Variants in COPG2 observed in about 807,000 individuals in gnomAD.
The protein encoded by COPG2 is coat protein complex I subunit gamma 2.
COPG2 carries 37 observed loss-of-function variants against 46.3 expected under a neutral mutation model. That is an observed-to-expected ratio of 0.80 (90% CI 0.61 to 1.05). The LOEUF (loss-of-function observed/expected upper bound fraction) is 1.05, where lower values mean the gene tolerates loss of function less well. Among genes scored for constraint, COPG2 ranks in the 50% least tolerant of loss-of-function variants. COPG2 has a pLI of 0.00. For synonymous variants in COPG2, 159 were observed against 129.7 expected (o/e 1.23, Z -1.53); for missense variants, 427 against 387.8 (o/e 1.10, Z -0.85).
rs1796008548 is a variant in COPG2, at chr7:130,663,009, T to C, written c.201A>G (p.Thr67=). The C allele has an allele frequency of 6.5e-7, 1 of 1,549,070 alleles. No homozygotes were observed. The highest frequency in any genetic ancestry group is 8.7e-7 in the Non-Finnish European group (1 of 1,149,408). ...ATCGCGTCATTGCAAAGAAGGCTTC[T>C]GTAGCTTCCGTTGTTCCAAAGTGTT... The part of the protein sequence containing the change: ...QGEHFGTTEA[T]EAFFAMTRLF... The change falls in exon 4 of 24, where the codon ACA becomes ACG. Residue 67 remains threonine (T), a synonymous_variant. Coordinates refer to ENST00000425248, the MANE Select transcript of COPG2 (RefSeq NM_012133.6).
At position 130,660,348 on chromosome 7, in the gene COPG2, C is replaced by T. The variant is rs187728950; in HGVS notation, c.243+2619G>A. Among the ~76,000 whole-genome samples the T allele has an allele frequency of 6.4e-3, 967 of 152,274 alleles. 2 individuals are homozygous for T. Among genetic ancestry groups the T allele is most frequent in the Non-Finnish European group, 9.1e-3 (618 of 68,020 alleles). On this transcript the variant is annotated intron_variant, in intron 4 of 23. Coordinates refer to ENST00000425248, the MANE Select transcript of COPG2 (RefSeq NM_012133.6). ...ATCAGCGCCATTATATTCTCTGACA[C>T]TTTCATCAGCAAAATCCCCTATATT...
chr7:130,523,178 CAGGTGGCCATAGGGAGTCA>C (rs1157001470), intron 20 of COPG2, among the ~76,000 whole-genome samples: 22 of 146,484 alleles, frequency 1.5e-4, no homozygotes, highest in African/African-American at 5.6e-4. Context: ...GCAGGGAGTC[CAGGTGGCCATAGGGAGTCA>C]AGGTGGCTGT....
chr7:130,563,470 C>A, intron 10 of COPG2, 134 bp from the exon 11 acceptor site: 1 of 375,178 alleles, frequency 2.7e-6, no homozygotes, highest in Non-Finnish European at 4.7e-6. Flanking sequence ...TGACTATTAC[C>A]TATATATGCT....
intron 5 of COPG2, among the ~76,000 whole-genome samples, chr7:130,621,152 G>T (rs1310470377): frequency 6.6e-6 from 1 of 152,196 alleles, no homozygotes; most frequent in Non-Finnish European, 1.5e-5. Flanking sequence ...TTCGAGGAAT[G>T]CAAGTAGCCT....
At chr7:130,625,813 T>C (rs1795109987) in intron 5 of COPG2, among the ~76,000 whole-genome samples, 1 of 152,150 alleles carries the variant, frequency 6.6e-6, no homozygotes, top group Non-Finnish European at 1.5e-5. Context: ...ATTCCTATCA[T>C]ATGCTTTCTT....
At chr7:130,611,456 A>G (rs1794848335) in intron 8 of COPG2, among the ~76,000 whole-genome samples, 2 of 152,180 alleles carry the variant, frequency 1.3e-5, no homozygotes, top group South Asian at 2.1e-4. Flanking sequence ...GTGGCTTTAC[A>G]TCATCTGTGG....
chr7:130,517,385 G>T (rs1799688275), intron 20 of COPG2, among the ~76,000 whole-genome samples: 1 of 152,202 alleles, frequency 6.6e-6, no homozygotes, highest in Non-Finnish European at 1.5e-5. Context: ...GGGTGGGAAG[G>T]CCCAATGGTA....
At chr7:130,525,858 A>C (rs1424869585) in intron 20 of COPG2, among the ~76,000 whole-genome samples, 1 of 151,944 alleles carries the variant, frequency 6.6e-6, no homozygotes, top group Non-Finnish European at 1.5e-5. Context: ...CAGGAGGAAA[A>C]GCAGAGGAGG....
At chr7:130,583,803 C>A (rs1208803408) in intron 9 of COPG2, among the ~76,000 whole-genome samples, 3 of 70,974 alleles carry the variant, frequency 4.2e-5, no homozygotes, top group African/African-American at 1.9e-4. Flanking sequence ...GAGACTCCAT[C>A]TCAAAAAAAA....
At chr7:130,524,180 T>C (rs1490948037) in intron 20 of COPG2, among the ~76,000 whole-genome samples, 1 of 152,046 alleles carries the variant, frequency 6.6e-6, no homozygotes, top group African/African-American at 2.4e-5. Context: ...ACCACTGGGA[T>C]GTGGACACTG....
intron 20 of COPG2, among the ~76,000 whole-genome samples, chr7:130,522,658 GAAGAAAAGGAAATGTGCAA>G (rs1168022129): frequency 6.6e-6 from 1 of 151,996 alleles, no homozygotes; most frequent in African/African-American, 2.4e-5. Flanking sequence ...GAAATGTGCA[GAAGAAAAGGAAATGTGCAA>G]AAGAAAGTGC....
chr7:130,521,384 G>A (rs1799721901), intron 20 of COPG2, among the ~76,000 whole-genome samples: 1 of 152,186 alleles, frequency 6.6e-6, no homozygotes, highest in African/African-American at 2.4e-5. Context: ...AACTAAAGCA[G>A]TTCAGCACAG....
intron 20 of COPG2, among the ~76,000 whole-genome samples, chr7:130,514,789 A>G (rs1471557577): frequency 2.0e-5 from 3 of 152,244 alleles, no homozygotes; most frequent in Non-Finnish European, 4.4e-5. Flanking sequence ...AGCATTAAAT[A>G]AACTAGATAA....
At chr7:130,540,579 G>T in intron 20 of COPG2, among the ~76,000 whole-genome samples, 1 of 152,162 alleles carries the variant, frequency 6.6e-6, no homozygotes, top group South Asian at 2.1e-4. Context: ...GGGGTCAGAG[G>T]TGTGTTAAAG....
chr7:130,614,864 T>C (rs183768720), intron 6 of COPG2, among the ~76,000 whole-genome samples: 45 of 152,316 alleles, frequency 3.0e-4, no homozygotes, highest in African/African-American at 1.0e-3. Context: ...TCAGACAGAT[T>C]TGAGGATATT....
intron 9 of COPG2, among the ~76,000 whole-genome samples, chr7:130,590,336 G>C (rs374740058): frequency 0.19 from 29,454 of 152,014 alleles, 3,034 homozygotes; most frequent in Middle Eastern, 0.24. Context: ...CTGCCATCTC[G>C]GCTCACTGCA....
At chr7:130,577,391 T>A (rs1309112155) in intron 9 of COPG2, among the ~76,000 whole-genome samples, 1 of 152,056 alleles carries the variant, frequency 6.6e-6, no homozygotes, top group East Asian at 1.9e-4. Context: ...CCTTTCCGAG[T>A]CAAAGAAAGG....
chr7:130,636,441 T>G (rs1186816199), intron 5 of COPG2, among the ~76,000 whole-genome samples: 1 of 152,208 alleles, frequency 6.6e-6, no homozygotes, highest in Non-Finnish European at 1.5e-5. Context: ...CTCTTCTTGT[T>G]GCATTGATCC....
chr7:130,529,681 G>A (rs1388901416), intron 20 of COPG2, among the ~76,000 whole-genome samples: 3 of 152,192 alleles, frequency 2.0e-5, no homozygotes, highest in Non-Finnish European at 4.4e-5. Context: ...TTAAACAAAG[G>A]AAGCTGGTCA....
Sources: allele counts gnomAD v4.1 joint callset (sites outside exome capture counted in the v4.1 genomes callset), GRCh38; gene constraint gnomAD v4.1.1; transcripts MANE v1.5; gene names NCBI Gene and HGNC (gene_info 2026-07-23, HGNC 2026-07-21).